RBFOX1: variants seen among roughly 807,000 people sequenced by gnomAD.
RBFOX1 encodes the protein RNA binding fox-1 homolog 1.
In RBFOX1, 8 loss-of-function variants were observed where a neutral mutation model predicts 57.7. The ratio of observed to expected loss-of-function variants is 0.14; its 90% CI spans 0.08 to 0.25. RBFOX1 has a LOEUF of 0.25. Ranked by LOEUF, RBFOX1 falls within the 10% of genes least tolerant of loss-of-function variation. RBFOX1 has a pLI of 1.00. For missense variants in RBFOX1, 611 were observed against 548.5 expected, an observed-to-expected ratio of 1.11 and a Z score of -1.14; for synonymous variants, 326 against 222.4, an observed-to-expected ratio of 1.47 and a Z score of -4.15.
chr16:7,589,878 G>A (rs2152912461), intron 7 of RBFOX1, among the ~76,000 whole-genome samples: 1 of 149,470 alleles, frequency 6.7e-6, no homozygotes, highest in East Asian at 2.0e-4. Flanking sequence ...AGTTCTTCAG[G>A]CAGGCCACTC....
intron 1 of RBFOX1, among the ~76,000 whole-genome samples, chr16:5,305,597 G>C (rs2063913673): frequency 6.6e-6 from 1 of 152,128 alleles, no homozygotes; most frequent in Admixed American, 6.5e-5. Flanking sequence ...TCTTGCCCTT[G>C]CAAGAGATGT....
Position 6,854,705 on chromosome 16 carries a change from C to G in RBFOX1, c.-15-197352C>G, listed in dbSNP as rs1056437098. ...CGCCTCCTGGGTTCAAGTCGTTCTC[C>G]TGCGTCAGCCTCCCGAGTAGCTGGA... is the stretch of plus-strand genomic sequence containing the variant. On this transcript the variant is annotated intron_variant, in intron 3 of 15. Coordinates refer to ENST00000550418, the MANE Select transcript of RBFOX1 (RefSeq NM_018723.4). Among the ~76,000 whole-genome samples, 70 of 147,904 alleles carry G rather than the reference C, an allele frequency of 4.7e-4. 1 individual carries two copies. Among genetic ancestry groups the G allele is most frequent in the African/African-American group, 1.7e-3 (69 of 39,826 alleles).
intron 3 of RBFOX1, among the ~76,000 whole-genome samples, chr16:6,655,950 T>A (rs983556200): frequency 6.6e-6 from 1 of 152,202 alleles, no homozygotes; most frequent in African/African-American, 2.4e-5. Flanking sequence ...TTAGGGAGTG[T>A]TAATCTCCTC....
chr16:6,218,107 G>T (rs1277214159), intron 1 of RBFOX1, among the ~76,000 whole-genome samples: 1 of 152,216 alleles, frequency 6.6e-6, no homozygotes, highest in Middle Eastern at 3.4e-3. Flanking sequence ...TCCCTTTGGT[G>T]CTGTTAGAAT....
At chr16:5,959,176 C>G (rs962445511) in intron 4 of RBFOX1, among the ~76,000 whole-genome samples, 1 of 152,182 alleles carries the variant, frequency 6.6e-6, no homozygotes, top group Admixed American at 6.5e-5. Flanking sequence ...AGCACTGATG[C>G]TGGCTAAGCA....
At chr16:6,332,073 A>G (rs2083105114) in intron 2 of RBFOX1, among the ~76,000 whole-genome samples, 2 of 152,332 alleles carry the variant, frequency 1.3e-5, no homozygotes, top group African/African-American at 4.8e-5. Context: ...GTGAGGTAGC[A>G]GGAAAATAAT....
At chr16:7,135,795 C>T (rs912388848) in intron 4 of RBFOX1, among the ~76,000 whole-genome samples, 1 of 152,224 alleles carries the variant, frequency 6.6e-6, no homozygotes, top group African/African-American at 2.4e-5. Flanking sequence ...ATTCTGAAGG[C>T]CTCATTCCAC....
At chr16:6,552,268 C>G (rs1218946153) in intron 2 of RBFOX1, among the ~76,000 whole-genome samples, 1 of 152,122 alleles carries the variant, frequency 6.6e-6, no homozygotes, top group Admixed American at 6.5e-5. Context: ...AGGGCAACCC[C>G]TTTTCTTTAA....
rs917883009 is a variant in RBFOX1 at position 7,136,200 on chromosome 16, G to C, written c.27+84102G>C. Among the ~76,000 whole-genome samples, 5 of 152,230 alleles carry C rather than the reference G, an allele frequency of 3.3e-5. No homozygotes were observed. The South Asian group carries it at 6.2e-4, about 19-fold the overall frequency. ...GGCATTTCCAAGGAACAGAATAAAGGCTAGTTCTTTGTGTTCGTCCATATG... is the reference window on the plus strand; with the variant it reads ...GGCATTTCCAAGGAACAGAATAAAGCCTAGTTCTTTGTGTTCGTCCATATG... On this transcript the variant is annotated intron_variant, in intron 4 of 15. Coordinates refer to ENST00000550418, the MANE Select transcript of RBFOX1 (RefSeq NM_018723.4).
intron 3 of RBFOX1, among the ~76,000 whole-genome samples, chr16:5,821,288 CTTTTTTTATT>C (rs930150751): frequency 1.7e-4 from 21 of 125,482 alleles, no homozygotes; most frequent in African/African-American, 4.9e-4. Context: ...GTCATTCTCT[CTTTTTTTATT>C]TTTTTTTTTT....
intron 10 of RBFOX1, among the ~76,000 whole-genome samples, chr16:7,629,671 C>G (rs2060626460): frequency 6.6e-6 from 1 of 152,240 alleles, no homozygotes; most frequent in South Asian, 2.1e-4. Context: ...CCAGTCATCC[C>G]TGGAGTGGGT....
At chr16:7,651,324 T>C (rs2065014314) in intron 11 of RBFOX1, among the ~76,000 whole-genome samples, 1 of 152,174 alleles carries the variant, frequency 6.6e-6, no homozygotes, top group Non-Finnish European at 1.5e-5. Context: ...ATGGCTGCTG[T>C]GGCAAACCCC....
chr16:6,134,006 G>A (rs542607342), intron 1 of RBFOX1, among the ~76,000 whole-genome samples: 1 of 151,512 alleles, frequency 6.6e-6, no homozygotes, highest in Admixed American at 6.6e-5. Context: ...GCGCAGTCTC[G>A]GTTCAGTGCA....
chr16:6,892,189 G>C (rs1381699163), intron 3 of RBFOX1, among the ~76,000 whole-genome samples: 2 of 152,098 alleles, frequency 1.3e-5, no homozygotes, highest in Non-Finnish European at 2.9e-5. Context: ...TTTATGCAAA[G>C]TTAATGCCCT....
intron 1 of RBFOX1, among the ~76,000 whole-genome samples, chr16:6,044,260 C>A (rs552602919): frequency 6.6e-6 from 1 of 152,146 alleles, no homozygotes; most frequent in Non-Finnish European, 1.5e-5. Context: ...ATGTGAACCC[C>A]GAATCCTAAG....
intron 9 of RBFOX1, among the ~76,000 whole-genome samples, chr16:7,604,942 T>C (rs2095225854): frequency 6.6e-6 from 1 of 152,154 alleles, no homozygotes; most frequent in Non-Finnish European, 1.5e-5. Flanking sequence ...CAGTAGAGTA[T>C]GAGATGGGTA....
At chr16:7,653,397 T>G (rs974504875) in intron 11 of RBFOX1, among the ~76,000 whole-genome samples, 8 of 152,118 alleles carry the variant, frequency 5.3e-5, no homozygotes, top group East Asian at 1.9e-4. Flanking sequence ...TCCCAGCTAC[T>G]TGGGAGGCTG....
chr16:6,979,589 A>G (rs1363486169), intron 3 of RBFOX1, among the ~76,000 whole-genome samples: 3 of 152,222 alleles, frequency 2.0e-5, no homozygotes, highest in Non-Finnish European at 4.4e-5. Flanking sequence ...GCAGCACAGT[A>G]CAGGGGTGTG....
chr16:6,921,645 A>AT (rs372298051), intron 3 of RBFOX1, among the ~76,000 whole-genome samples: 964 of 55,252 alleles, frequency 0.017, 12 homozygotes, highest in African/African-American at 0.036. Context: ...ATATATATAT[A>AT]TTTTTTTTTT....
Sources: allele counts gnomAD v4.1 joint callset (sites outside exome capture counted in the v4.1 genomes callset), GRCh38; gene constraint gnomAD v4.1.1; transcripts MANE v1.5; gene names NCBI Gene and HGNC (gene_info 2026-07-23, HGNC 2026-07-21).